The following ZNF692 variants were observed in gnomAD, a reference collection of about 807,000 sequenced individuals.
ZNF692 encodes AICAR responsive element binding protein.
Under a neutral mutation model 49.0 loss-of-function variants are expected in ZNF692, and 41 were observed. The ratio of observed to expected loss-of-function variants is 0.84; its 90% CI spans 0.65 to 1.08. The LOEUF (loss-of-function observed/expected upper bound fraction) is 1.08, where lower values mean the gene tolerates loss of function less well. Among genes scored for constraint, ZNF692 ranks in the 50% least tolerant of loss-of-function variants. ZNF692 has a pLI of 0.00. For synonymous variants in ZNF692, 288 were observed against 251.5 expected, an observed-to-expected ratio of 1.15 and a Z score of -1.37; for missense variants, 662 against 662.2, an observed-to-expected ratio of 1.00 and a Z score of 0.00.
In ZNF692 at chr1:248,857,265, A is replaced by G. The variant is rs765631812; in HGVS notation, c.444T>C (p.Cys148=). Residue 148 remains cysteine, a synonymous_variant, in exon 4 of 12, where the codon TGT becomes TGC. Coordinates refer to ENST00000306601, the MANE Select transcript of ZNF692 (RefSeq NM_017865.4). ...SLPHTTRRSW[C]SEATSGQELA... ...GCTCCTGCCCACTCGTGGCCTCGGA[A>G]CACCAACTTCTCCGAGTAGTATGTG... is the stretch of plus-strand genomic sequence containing the variant. The G allele has an allele frequency of 6.2e-7, 1 of 1,614,078 alleles. No individual in the cohort carries two copies. Among genetic ancestry groups the G allele is most frequent in the South Asian group, 1.1e-5 (1 of 91,074 alleles).
chr1:248,856,060 C>G (rs1227481223), intron 6 of ZNF692, 114 bp from the exon 7 acceptor site: 1 of 1,260,106 alleles, frequency 7.9e-7, no homozygotes, highest in Non-Finnish European at 1.1e-6. Context: ...ACCCTACCCC[C>G]ACCCTAGGCT....
Position 248,855,438 on chromosome 1 carries a change from A to G in ZNF692, c.980T>C (p.Leu327Pro). 1 of 1,614,168 alleles carries G rather than the reference A, an allele frequency of 6.2e-7. No homozygotes were observed. The part of the protein sequence containing the change: ...KRIRKAAKRE[L>P]MPCDFPGCGR... ...ACAGCCAGGGAAGTCACAAGGCATC[A>G]GCTCTCTTTTGGCAGCTTTCCTGAG... Residue 327 changes from leucine to proline, a missense_variant, in exon 9 of 12, where the codon CTG becomes CCG. Leu to Pro is a moderately conservative substitution (Grantham distance 98). Transcript: ENST00000306601.
Position 248,850,311 on chromosome 1 carries a change from C to G in ZNF692, c.1459G>C (p.Glu487Gln), listed in dbSNP as rs1321388798. Residue 487 changes from glutamate to glutamine, a missense_variant, in exon 12 of 12, where the codon GAG becomes CAG. Glu to Gln is a conservative substitution (Grantham distance 29, BLOSUM62 2). Transcript: ENST00000306601. Reference sequence around the variant, plus strand: ...GGGGCAGAGATGCTGGGACAGGGCTCTAGGGGACCACTGGGTGACTCTTGA... The same window carrying G: ...GGGGCAGAGATGCTGGGACAGGGCTGTAGGGGACCACTGGGTGACTCTTGA... ...APQESPSGPL[E>Q]PCPSISAPGP... 3 of 1,613,742 alleles carry G rather than the reference C, an allele frequency of 1.9e-6. No homozygotes were observed. The Admixed American group carries it at 5.0e-5, about 27-fold the overall frequency.
In ZNF692 at chr1:248,858,423, G is replaced by A. The variant is rs78802797; in HGVS notation, c.-12-102C>T. On this transcript the variant is annotated intron_variant, in intron 1 of 11. Transcript: ENST00000306601. The surrounding 1 kb of genome is among the most constrained non-coding windows in gnomAD (Gnocchi z 4.3). ...CCTCAGTTTCCTCATCAGTGAACTG[G>A]GGCAAGACTAAACTATTTCAATAGC... is the stretch of plus-strand genomic sequence containing the variant. The A allele has an allele frequency of 3.1e-3, 4,779 of 1,550,382 alleles. 160 individuals carry two copies. In the East Asian group the frequency reaches 0.051, roughly 17 times the overall value.
At chr1:248,857,636 T>G in intron 3 of ZNF692, 139 bp from the exon 4 acceptor site, 1 of 1,473,928 alleles carries the variant, frequency 6.8e-7, no homozygotes, top group South Asian at 1.4e-5. Flanking sequence ...CTTCAGAACC[T>G]AGACACACTA....
At position 248,850,061 on chromosome 1, in the gene ZNF692, C is replaced by T; in HGVS notation, c.*149G>A. 1.3e-6 allele frequency: 1 copy of T among 768,266 alleles called. No individual in the cohort carries two copies. The highest frequency in any genetic ancestry group is 3.5e-5 in the Admixed American group (1 of 28,952). The allele number at this position is 768,266 out of a possible 1,614,324, so 47.6% of individuals were successfully genotyped here. ...TAGGAAGACTAAAGTAGTCCAGCTCCCCTACAGCCCAGTCTTGCCCCCACC... is the reference window on the plus strand; with the variant it reads ...TAGGAAGACTAAAGTAGTCCAGCTCTCCTACAGCCCAGTCTTGCCCCCACC... On this transcript the variant is annotated 3_prime_UTR_variant, in exon 12 of 12. Coordinates refer to ENST00000306601, the MANE Select transcript of ZNF692 (RefSeq NM_017865.4).
At chr1:248,852,861 A>G (rs548535181) in intron 10 of ZNF692, among the ~76,000 whole-genome samples, 4 of 152,138 alleles carry the variant, frequency 2.6e-5, no homozygotes, top group Admixed American at 6.5e-5. Context: ...CACTTCCTCT[A>G]TGTAGGGACA....
At chr1:248,856,720 T>C (rs1156620673) in intron 4 of ZNF692, among the ~76,000 whole-genome samples, 158 bp from the exon 5 acceptor site, 1 of 152,070 alleles carries the variant, frequency 6.6e-6, no homozygotes, top group Admixed American at 6.5e-5. Context: ...ACCCCTGGGC[T>C]CAAGCAATCC....
Position 248,858,476 on chromosome 1 carries a change from C to T in ZNF692, c.-12-155G>A. ...TGGCAGGTGTGGAGCCAAACCCCGT[C>T]CTTCTATGATACAGGGTGTTGAAGC... On this transcript the variant is annotated intron_variant, in intron 1 of 11. Coordinates refer to ENST00000306601, the MANE Select transcript of ZNF692 (RefSeq NM_017865.4). This position sits in a 1 kb window ranked among gnomAD's most constrained non-coding sequence, Gnocchi z 4.3. 1 of 1,551,692 alleles carries T rather than the reference C, an allele frequency of 6.4e-7. No homozygotes were observed. Among genetic ancestry groups the T allele is most frequent in the Non-Finnish European group, 8.7e-7 (1 of 1,146,980 alleles).
In ZNF692 at chr1:248,858,983, A is replaced by T. The variant is rs1449707927; in HGVS notation, c.-78T>A. ...CCTGCGCCTCCCGGGCCTAGCGAGC[A>T]GGCCCGGAGCTGCTGGAAGACAGGG... On this transcript the variant is annotated 5_prime_UTR_variant, in exon 1 of 12. Coordinates refer to ENST00000306601, the MANE Select transcript of ZNF692 (RefSeq NM_017865.4). This position sits in a 1 kb window ranked among gnomAD's most constrained non-coding sequence, Gnocchi z 4.3. 1 of 172,148 alleles carries T rather than the reference A, an allele frequency of 5.8e-6. No homozygotes were observed. The highest frequency in any genetic ancestry group is 2.5e-5 in the African/African-American group (1 of 40,656). The allele number at this position is 172,148 out of a possible 1,614,324, so 10.7% of individuals were successfully genotyped here. A position where few individuals can be genotyped will look rare whatever the true frequency, so the allele number is the denominator to read the frequency against.
At position 248,858,013 on chromosome 1, in the gene ZNF692, C is replaced by T. The variant is rs1185542911; in HGVS notation, c.179+118G>A. 3.6e-5 allele frequency: 56 copies of T among 1,545,264 alleles called. No individual in the cohort carries two copies. Among genetic ancestry groups the T allele is most frequent in the Non-Finnish European group, 4.7e-5 (54 of 1,150,128 alleles). Reference sequence around the variant, plus strand: ...CCTCGGAGGCCACAAGTCACACAGGCCGTCCTGGTAAAGTGAGAAACCTGA... The same window carrying T: ...CCTCGGAGGCCACAAGTCACACAGGTCGTCCTGGTAAAGTGAGAAACCTGA... On this transcript the variant is annotated intron_variant, in intron 2 of 11. Transcript: ENST00000306601. The surrounding 1 kb of genome is among the most constrained non-coding windows in gnomAD (Gnocchi z 4.3).
At chr1:248,853,301 T>C (rs1659820776) in intron 10 of ZNF692, among the ~76,000 whole-genome samples, 1 of 152,200 alleles carries the variant, frequency 6.6e-6, no homozygotes, top group Non-Finnish European at 1.5e-5. Context: ...GGTCCCCCTG[T>C]TCACACAGCA....
rs780733786 is a variant in ZNF692, at chr1:248,857,415, G to A, written c.294C>T (p.Pro98=). Reference sequence around the variant, plus strand: ...CTTGGCCGCCAGGCCCCCGAAGCCCGGGCACCAGGCTGCACTCTCGGCTGT... The same window carrying A: ...CTTGGCCGCCAGGCCCCCGAAGCCCAGGCACCAGGCTGCACTCTCGGCTGT... ...HAHSRECSLV[P]GLRGPGGQDG... Residue 98 remains proline, a synonymous_variant, in exon 4 of 12, where the codon CCC becomes CCT. Transcript: ENST00000306601. 14 of 1,614,080 alleles carry A rather than the reference G, an allele frequency of 8.7e-6. No individual in the cohort carries two copies. Among genetic ancestry groups the A allele is most frequent in the East Asian group, 2.2e-5 (1 of 44,864 alleles).
intron 6 of ZNF692, 86 bp downstream of exon 6, chr1:248,856,202 C>G (rs2103060663): frequency 6.6e-7 from 1 of 1,519,808 alleles, no homozygotes. Flanking sequence ...CTAACAAGCC[C>G]TTCCCTCTAG....
rs1425765780 is a variant in ZNF692 at position 248,855,433 on chromosome 1, G to C, written c.985C>G (p.Pro329Ala). ...CTTCCACAGCCAGGGAAGTCACAAG[G>C]CATCAGCTCTCTTTTGGCAGCTTTC... ...IRKAAKRELM[P>A]CDFPGCGRIF... Residue 329 changes from proline (P) to alanine (A), a missense_variant, in exon 9 of 12, where the codon CCT becomes GCT. By Grantham distance (27) the Pro-to-Ala change is conservative (BLOSUM62 -1). Transcript: ENST00000306601. 1.2e-6 allele frequency: 2 copies of C among 1,614,118 alleles called. No homozygotes were observed. The highest frequency in any genetic ancestry group is 1.7e-5 in the Admixed American group (1 of 60,026).
Position 248,858,382 on chromosome 1 carries a change from C to A in ZNF692, c.-12-61G>T, listed in dbSNP as rs1026891184. 9.1e-6 allele frequency: 14 copies of A among 1,532,180 alleles called. No individual in the cohort carries two copies. The African/African-American group carries it at 1.2e-4, about 14-fold the overall frequency. The allele number at this position is 1,532,180 out of a possible 1,614,324, so 94.9% of individuals were successfully genotyped here. ...GATCTCGGGGGTCGGGGACCCGGCTCCACCTGCCGTTAGGGCCTCAGTTTC... is the reference window on the plus strand; with the variant it reads ...GATCTCGGGGGTCGGGGACCCGGCTACACCTGCCGTTAGGGCCTCAGTTTC... On this transcript the variant is annotated intron_variant, in intron 1 of 11. Transcript: ENST00000306601. The surrounding 1 kb of genome is among the most constrained non-coding windows in gnomAD (Gnocchi z 4.3).
In ZNF692 at chr1:248,850,492, G is replaced by A; in HGVS notation, c.1278C>T (p.Cys426=). The part of the protein sequence containing the change: ...PLQCEICGFT[C]RQKASLNWHQ... ...GCCAGTTCAGGGAAGCCTTCTGGCG[G>A]CAGGTAAACCCGCATATCTCACACC... The change falls in exon 12 of 12, where the codon TGC becomes TGT. Residue 426 remains cysteine (C), a synonymous_variant. Transcript: ENST00000306601. The A allele has an allele frequency of 6.2e-7, 1 of 1,610,208 alleles. No homozygotes were observed.
chr1:248,856,945 C>G (rs1660310252), intron 4 of ZNF692, among the ~76,000 whole-genome samples: 1 of 152,164 alleles, frequency 6.6e-6, no homozygotes, highest in South Asian at 2.1e-4. Flanking sequence ...CATAGGCAAC[C>G]TGGTTTTCTA....
At chr1:248,851,458 G>A (rs1018448289) in intron 10 of ZNF692, among the ~76,000 whole-genome samples, 1 of 152,036 alleles carries the variant, frequency 6.6e-6, no homozygotes. Context: ...AAACCTCAGG[G>A]TGTACAGTAA....
Sources: gnomAD v4.1 joint callset for allele counts (sites outside exome capture counted in the v4.1 genomes callset) on GRCh38, gnomAD v4.1.1 for gene constraint, Gnocchi (gnomAD v3.1) non-coding constraint, MANE v1.5 for transcripts, NCBI Gene and HGNC (gene_info 2026-07-23, HGNC 2026-07-21) for gene names.